Variants in PEX5L observed in about 807,000 individuals in gnomAD.
The protein encoded by PEX5L is peroxisomal biogenesis factor 5 like.
PEX5L carries 30 observed loss-of-function variants against 84.0 expected under a neutral mutation model. The observed-to-expected ratio is 0.36, with a 90% CI of 0.27 to 0.48. The LOEUF (loss-of-function observed/expected upper bound fraction) is 0.48, where lower values mean the gene tolerates loss of function less well. PEX5L is among the 20% of genes least tolerant of loss of function. The pLI is 0.99. For synonymous variants in PEX5L, 270 were observed against 283.1 expected (o/e 0.95, Z 0.46); for missense variants, 533 against 754.6 (o/e 0.71, Z 3.44).
rs1323273029 is a variant in PEX5L at position 179,876,673 on chromosome 3, C to A, written c.506-1196G>T. ...GTGTGACCATCACCACTATTCATCT[C>A]CAAAATTTCTCATCATTTCAAACTG... is the stretch of plus-strand genomic sequence containing the variant. On this transcript the variant is annotated intron_variant, in intron 5 of 14. Coordinates refer to ENST00000467460, the MANE Select transcript of PEX5L (RefSeq NM_016559.3). Among the ~76,000 whole-genome samples the A allele has an allele frequency of 3.3e-5, 5 of 152,228 alleles. No individual in the cohort carries two copies. The East Asian group carries it at 7.7e-4, about 24-fold the overall frequency.
intron 5 of PEX5L, among the ~76,000 whole-genome samples, chr3:179,878,852 C>T (rs1753277587): frequency 6.6e-6 from 1 of 152,128 alleles, no homozygotes. Flanking sequence ...ATTTTTCTAT[C>T]TCCCTACTAG....
rs1295911203 is a variant in PEX5L, at chr3:179,809,699, T to TG, written c.1155-32_1155-31insC. 3 of 1,545,534 alleles carry TG rather than the reference T, an allele frequency of 1.9e-6. No individual in the cohort carries two copies. In the East Asian group the frequency reaches 6.7e-5, roughly 35 times the overall value. ...AAAAAAAAAGAAGCCAATTTCAGATTTTTTTTTGAGCCACAATCTAACAGT... is the reference window on the plus strand; with the variant it reads ...AAAAAAAAAGAAGCCAATTTCAGATTGTTTTTTTGAGCCACAATCTAACAGT... On this transcript the variant is annotated intron_variant, in intron 11 of 14. Coordinates refer to ENST00000467460, the MANE Select transcript of PEX5L (RefSeq NM_016559.3).
intron 2 of PEX5L, among the ~76,000 whole-genome samples, chr3:179,944,323 C>A (rs899245106): frequency 6.6e-5 from 10 of 152,160 alleles, no homozygotes; most frequent in African/African-American, 1.9e-4. Flanking sequence ...CAACAAAAAT[C>A]AATAGACACT....
intron 8 of PEX5L, among the ~76,000 whole-genome samples, chr3:179,834,256 G>A (rs1030248177): frequency 6.6e-6 from 1 of 152,256 alleles, no homozygotes; most frequent in Admixed American, 6.5e-5. Flanking sequence ...TCATGGATCA[G>A]ATCTGGGCCA....
chr3:179,946,037 T>A (rs1175051581), intron 2 of PEX5L, among the ~76,000 whole-genome samples: 5 of 151,800 alleles, frequency 3.3e-5, no homozygotes, highest in Non-Finnish European at 7.4e-5. Flanking sequence ...TTTTTGCATC[T>A]GAATGTTCTA....
chr3:179,806,033 T>C (rs899066429), intron 14 of PEX5L, among the ~76,000 whole-genome samples: 1 of 150,042 alleles, frequency 6.7e-6, no homozygotes, highest in African/African-American at 2.4e-5. Context: ...ATGTATGTAA[T>C]ATTTATATAT....
chr3:180,024,381 C>A (rs867964057), intron 1 of PEX5L, among the ~76,000 whole-genome samples: 2,007 of 100,646 alleles, frequency 0.02, 81 homozygotes, highest in South Asian at 0.044. Context: ...TATACACACA[C>A]AAAAAAAAAA....
At chr3:179,948,857 T>C (rs1778314573) in intron 2 of PEX5L, among the ~76,000 whole-genome samples, 2 of 152,274 alleles carry the variant, frequency 1.3e-5, no homozygotes, top group Non-Finnish European at 2.9e-5. Flanking sequence ...CAGAATTGTA[T>C]GAACTGGCAA....
intron 1 of PEX5L, among the ~76,000 whole-genome samples, chr3:180,024,050 AC>A (rs1181621072): frequency 2.6e-5 from 4 of 152,018 alleles, no homozygotes; most frequent in Non-Finnish European, 5.9e-5. Context: ...CCAGGAAAAA[AC>A]ACAGTCTTTG....
intron 2 of PEX5L, among the ~76,000 whole-genome samples, chr3:179,926,225 T>C (rs966339915): frequency 2.6e-5 from 4 of 152,178 alleles, no homozygotes; most frequent in Non-Finnish European, 4.4e-5. Flanking sequence ...ACTGGTCCTC[T>C]TGCTGCTGGA....
rs115107626 is a variant in PEX5L, at chr3:179,891,641, G to A, written c.199-3857C>T. Among the ~76,000 whole-genome samples the A allele has an allele frequency of 4.3e-3, 649 of 152,248 alleles. 6 individuals are homozygous for A. Among genetic ancestry groups the A allele is most frequent in the African/African-American group, 0.015 (621 of 41,544 alleles). On this transcript the variant is annotated intron_variant, in intron 3 of 14. Coordinates refer to ENST00000467460, the MANE Select transcript of PEX5L (RefSeq NM_016559.3). Reference sequence around the variant, plus strand: ...GGCTATTAAATGAGGAAGTGACTTTGCAGAAACTGAAGATGTAAAAATACC... The same window carrying A: ...GGCTATTAAATGAGGAAGTGACTTTACAGAAACTGAAGATGTAAAAATACC...
At chr3:179,885,384 C>A (rs539361256) in intron 4 of PEX5L, among the ~76,000 whole-genome samples, 4 of 152,144 alleles carry the variant, frequency 2.6e-5, no homozygotes, top group African/African-American at 9.7e-5. Context: ...CGGTGGTTCA[C>A]GCCTGTAATT....
At chr3:179,891,434 T>C (rs1757588238) in intron 3 of PEX5L, among the ~76,000 whole-genome samples, 2 of 152,104 alleles carry the variant, frequency 1.3e-5, no homozygotes, top group South Asian at 4.1e-4. Context: ...CATGGAAAGG[T>C]AACTGAAACT....
intron 1 of PEX5L, among the ~76,000 whole-genome samples, chr3:179,994,994 C>T (rs1447879439): frequency 1.3e-5 from 2 of 150,384 alleles, no homozygotes; most frequent in Non-Finnish European, 3.0e-5. Flanking sequence ...TAATAAACTC[C>T]CATCTATATA....
intron 2 of PEX5L, among the ~76,000 whole-genome samples, chr3:179,924,520 A>G (rs1351741664): frequency 6.6e-6 from 1 of 152,230 alleles, no homozygotes; most frequent in Non-Finnish European, 1.5e-5. Context: ...CGGTAAGAAG[A>G]GAGACAAGCT....
chr3:180,013,614 A>G (rs1375227672), intron 1 of PEX5L, among the ~76,000 whole-genome samples: 1 of 152,154 alleles, frequency 6.6e-6, no homozygotes, highest in African/African-American at 2.4e-5. Context: ...AATTGATGGC[A>G]TTGCCAGAGA....
intron 7 of PEX5L, among the ~76,000 whole-genome samples, chr3:179,866,504 T>C (rs1748214024): frequency 6.6e-6 from 1 of 152,172 alleles, no homozygotes; most frequent in African/African-American, 2.4e-5. Context: ...ATGATAACAA[T>C]TCATGTAAAT....
intron 10 of PEX5L, 151 bp downstream of exon 10, chr3:179,815,710 A>T: frequency 1.3e-6 from 1 of 756,866 alleles, no homozygotes; most frequent in Non-Finnish European, 2.1e-6. Flanking sequence ...ACGGGTACTT[A>T]TTTGTAACTT....
intron 11 of PEX5L, 150 bp from the exon 12 acceptor site, chr3:179,809,818 T>G (rs1723032165): frequency 4.8e-6 from 3 of 622,156 alleles, no homozygotes; most frequent in Admixed American, 5.9e-5. Context: ...ACCATATTTA[T>G]CCACATAAAA....
Sources: gnomAD v4.1 joint callset for allele counts (sites outside exome capture counted in the v4.1 genomes callset) on GRCh38, gnomAD v4.1.1 for gene constraint, MANE v1.5 for transcripts, NCBI Gene and HGNC (gene_info 2026-07-23, HGNC 2026-07-21) for gene names.